The following HOXA3 variants were observed in gnomAD, a reference collection of about 807,000 sequenced individuals.
HOXA3 encodes the protein homeobox protein Hox-A3.
HOXA3 carries 8 observed loss-of-function variants against 30.3 expected under a neutral mutation model. The observed-to-expected ratio is 0.26, with a 90% CI of 0.15 to 0.48. The LOEUF is 0.48. HOXA3 is among the 20% of genes least tolerant of loss of function. The pLI, the probability that HOXA3 is intolerant of heterozygous loss-of-function variation, is 0.99. For missense variants in HOXA3, 653 were observed against 614.4 expected (o/e 1.06, Z -0.66); for synonymous variants, 323 against 273.1 (o/e 1.18, Z -1.80).
intron 1 of HOXA3, chr7:27,145,616 C>T (rs1782729818): frequency 1.3e-6 from 2 of 1,587,032 alleles, no homozygotes; most frequent in Admixed American, 1.7e-5. Flanking sequence ...GGGGGCAAAG[C>T]CGAAGGAGGT....
At chr7:27,109,665 A>AG (rs1784248276) in intron 5 of HOXA3, among the ~76,000 whole-genome samples, 1 of 152,188 alleles carries the variant, frequency 6.6e-6, no homozygotes, top group Non-Finnish European at 1.5e-5. Flanking sequence ...TGGAGCAAAA[A>AG]TTGGCTCTGA....
chr7:27,114,450 G>A (rs1427752408), intron 4 of HOXA3, among the ~76,000 whole-genome samples: 1 of 151,588 alleles, frequency 6.6e-6, no homozygotes, highest in Non-Finnish European at 1.5e-5. Flanking sequence ...TTGGGTGGGG[G>A]TGTGGGGAGC....
intron 1 of HOXA3, among the ~76,000 whole-genome samples, chr7:27,148,760 C>T (rs983184): frequency 0.65 from 98,333 of 152,270 alleles, 37,895 homozygotes; most frequent in East Asian, 0.85. Context: ...GGGGACTCAG[C>T]ATCCACTGCG....
intron 2 of HOXA3, among the ~76,000 whole-genome samples, chr7:27,139,480 G>T (rs1391766723): frequency 6.6e-6 from 1 of 152,228 alleles, no homozygotes; most frequent in African/African-American, 2.4e-5. Context: ...TCGCGAGCTA[G>T]CCTGAAACCC....
At chr7:27,138,457 T>G (rs1459782055) in intron 2 of HOXA3, among the ~76,000 whole-genome samples, 1 of 152,254 alleles carries the variant, frequency 6.6e-6, no homozygotes, top group Non-Finnish European at 1.5e-5. Flanking sequence ...CAATTAATAC[T>G]TGCTGAAAAC....
chr7:27,114,443 G>T (rs1430912005), intron 4 of HOXA3, among the ~76,000 whole-genome samples: 1 of 151,516 alleles, frequency 6.6e-6, no homozygotes, highest in African/African-American at 2.4e-5. Flanking sequence ...CAGATCTTTG[G>T]GTGGGGGTGT....
In HOXA3 at chr7:27,108,559, G is replaced by C. The variant is rs779749400; in HGVS notation, c.688C>G (p.Leu230Val). ...CAGATCTTGATCTGGCGCTCAGTGA[G>C]GTTCAGCAGATTGGCCATCTCCACC... The part of the protein sequence containing the change: ...RRVEMANLLN[L>V]TERQIKIWFQ... Residue 230 changes from leucine (L) to valine (V), a missense_variant, in exon 6 of 6, where the codon CTC (leucine) becomes GTC (valine). Leu to Val is a conservative substitution (Grantham distance 32, BLOSUM62 1). Around this residue, in one of 3 missense-constraint regions of HOXA3, gnomAD observed 320 missense variants for 321.9 expected, o/e 0.99. Transcript: ENST00000612286. The surrounding 1 kb of genome is among the most constrained non-coding windows in gnomAD (Gnocchi z 5.0). 1 of 1,614,170 alleles carries C rather than the reference G, an allele frequency of 6.2e-7. No homozygotes were observed. Among genetic ancestry groups the C allele is most frequent in the South Asian group, 1.1e-5 (1 of 91,088 alleles).
Position 27,146,024 on chromosome 7 carries a change from C to A in HOXA3, c.-493-5838G>T, listed in dbSNP as rs571843800. ...ACCCAGACTAGAAACCACCCCGCCT[C>A]CACTCCAGCCTCTCCCACTATGTCT... On this transcript the variant is annotated intron_variant, in intron 1 of 5. Coordinates refer to ENST00000612286, the MANE Select transcript of HOXA3 (RefSeq NM_153631.3). The A allele has an allele frequency of 1.4e-4, 182 of 1,268,300 alleles. 1 individual carries two copies. In the South Asian group the frequency reaches 2.5e-3, roughly 17 times the overall value. 78.6% of individuals were successfully genotyped at this position (1,268,300 alleles called of 1,614,324 possible).
chr7:27,147,242 C>T, intron 1 of HOXA3: 1 of 1,411,002 alleles, frequency 7.1e-7, no homozygotes, highest in Non-Finnish European at 9.7e-7. Context: ...ACTCTGTTTC[C>T]TCCTTCTTTC....
At chr7:27,130,410 G>A (rs910711171) in intron 2 of HOXA3, 80 of 1,170,756 alleles carry the variant, frequency 6.8e-5, no homozygotes, top group Non-Finnish European at 8.1e-5. Context: ...GCCCGGGGCT[G>A]GCGCCGCCGC....
At position 27,108,003 on chromosome 7, in the gene HOXA3, C is replaced by T; in HGVS notation, c.1244G>A (p.Gly415Glu). 1 of 1,612,248 alleles carries T rather than the reference C, an allele frequency of 6.2e-7. No individual in the cohort carries two copies. The highest frequency in any genetic ancestry group is 1.7e-5 in the Admixed American group (1 of 59,914). The change falls in exon 6 of 6, where the codon GGG becomes GAG. Residue 415 changes from glycine to glutamate, a missense_variant. Physicochemically the swap from Gly to Glu is moderately conservative, Grantham distance 98 (BLOSUM62 -2). Around this residue, in one of 3 missense-constraint regions of HOXA3, gnomAD observed 330 missense variants for 274.4 expected, o/e 1.20. Transcript: ENST00000612286. The surrounding 1 kb of genome is among the most constrained non-coding windows in gnomAD (Gnocchi z 5.0). Reference sequence around the variant, plus strand: ...GTCCGTGTAGGTGGGGTGCGGCTCCCCAGGCCCCGGCCCGTGGTGGTGGCC... The same window carrying T: ...GTCCGTGTAGGTGGGGTGCGGCTCCTCAGGCCCCGGCCCGTGGTGGTGGCC... Reference protein sequence around the residue: ...GSGHHHGPGPGEPHPTYTDLT... With the variant: ...GSGHHHGPGPEEPHPTYTDLT...
chr7:27,114,861 A>G (rs940656069), intron 4 of HOXA3, among the ~76,000 whole-genome samples: 2 of 98,562 alleles, frequency 2.0e-5, no homozygotes, highest in Non-Finnish European at 4.3e-5. Flanking sequence ...TATTATATAT[A>G]TAATATATAT....
At chr7:27,148,794 A>C (rs924478488) in intron 1 of HOXA3, among the ~76,000 whole-genome samples, 6 of 152,274 alleles carry the variant, frequency 3.9e-5, no homozygotes, top group Admixed American at 6.5e-5. Flanking sequence ...GCTGAGGCAG[A>C]TAAAAATCCA....
intron 2 of HOXA3, chr7:27,130,106 G>T: frequency 6.3e-7 from 1 of 1,591,214 alleles, no homozygotes; most frequent in African/African-American, 1.3e-5. Context: ...CCTCCCAAGC[G>T]GCGCCACGTA....
chr7:27,117,767 C>T (rs556285222), intron 4 of HOXA3, among the ~76,000 whole-genome samples: 321 of 152,154 alleles, frequency 2.1e-3, no homozygotes, highest in Middle Eastern at 3.4e-3. Context: ...CATCCCCCAC[C>T]CCTCCCAGGC....
At chr7:27,145,983 G>A (rs981016601) in intron 1 of HOXA3, 15 of 1,544,792 alleles carry the variant, frequency 9.7e-6, no homozygotes, top group East Asian at 6.8e-5. Flanking sequence ...TCAGCCCAGT[G>A]CCTCCCACAA....
intron 4 of HOXA3, among the ~76,000 whole-genome samples, chr7:27,111,905 T>G (rs895221552): frequency 6.6e-6 from 1 of 152,154 alleles, no homozygotes; most frequent in African/African-American, 2.4e-5. Flanking sequence ...CGACGAGGGA[T>G]GGAAGCACAA....
At chr7:27,147,235 C>CT in intron 1 of HOXA3, 1 of 1,367,190 alleles carries the variant, frequency 7.3e-7, no homozygotes, top group Non-Finnish European at 1.0e-6. Context: ...TCTTTCTACT[C>CT]TGTTTCCTCC....
intron 3 of HOXA3, among the ~76,000 whole-genome samples, chr7:27,126,112 G>C (rs889033302): frequency 6.6e-6 from 1 of 152,126 alleles, no homozygotes; most frequent in Non-Finnish European, 1.5e-5. Context: ...ATAAAACACC[G>C]GGTATATCAT....
Sources: allele counts gnomAD v4.1 joint callset (sites outside exome capture counted in the v4.1 genomes callset), GRCh38; gene constraint gnomAD v4.1.1; regional missense constraint gnomAD v4.1.1; non-coding constraint Gnocchi (gnomAD v3.1); transcripts MANE v1.5; gene names NCBI Gene and HGNC (gene_info 2026-07-23, HGNC 2026-07-21).